The following MIPOL1 variants were observed in gnomAD, a reference collection of about 807,000 sequenced individuals.
MIPOL1 encodes the protein mirror-image polydactyly gene 1 protein.
MIPOL1 carries 57 observed loss-of-function variants against 60.9 expected under a neutral mutation model. The ratio of observed to expected loss-of-function variants is 0.94; its 90% CI spans 0.76 to 1.17. The LOEUF is 1.17. Among genes scored for constraint, MIPOL1 ranks in the 50% most tolerant of loss-of-function variants. The probability of loss-of-function intolerance (pLI) is 0.00; values close to 1 mark genes in which losing one functional copy is unlikely to be tolerated. For synonymous variants in MIPOL1, 179 were observed against 168.8 expected (o/e 1.06, Z -0.47); for missense variants, 551 against 511.6 (o/e 1.08, Z -0.74).
chr14:37,468,760 T>C (rs1052950031), intron 11 of MIPOL1, among the ~76,000 whole-genome samples: 1 of 152,094 alleles, frequency 6.6e-6, no homozygotes, highest in Non-Finnish European at 1.5e-5. Context: ...TGGGAGAACA[T>C]GAGGGGATGA....
intron 7 of MIPOL1, among the ~76,000 whole-genome samples, chr14:37,304,502 A>G (rs2086622539): frequency 6.6e-6 from 1 of 151,684 alleles, no homozygotes; most frequent in South Asian, 2.1e-4. Flanking sequence ...TTAACATGTT[A>G]AGTGTGGTGG....
At chr14:37,383,096 C>T (rs1453225262) in intron 10 of MIPOL1, among the ~76,000 whole-genome samples, 3 of 151,724 alleles carry the variant, frequency 2.0e-5, no homozygotes, top group East Asian at 1.9e-4. Context: ...AACTTTGAAT[C>T]GTGTACAACC....
chr14:37,325,279 T>C (rs1360120238), intron 9 of MIPOL1, among the ~76,000 whole-genome samples: 1 of 152,156 alleles, frequency 6.6e-6, no homozygotes, highest in African/African-American at 2.4e-5. Context: ...CCTCGTCTTT[T>C]TGATATGTTG....
At position 37,475,305 on chromosome 14, in the gene MIPOL1, T is replaced by C. The variant is rs1169874; in HGVS notation, c.1032-24603T>C. 6.9e-3 allele frequency among the ~76,000 whole-genome samples: 1,050 copies of C among 152,352 alleles called. 12 individuals are homozygous for C. The highest frequency in any genetic ancestry group is 0.024 in the African/African-American group (1,012 of 41,588). On this transcript the variant is annotated intron_variant, in intron 11 of 12. Coordinates refer to ENST00000684589, the MANE Select transcript of MIPOL1 (RefSeq NM_001388067.1). ...ATTGTTGATTTTAAAGAGTTCTTTGTGTATTTTGAATACCAGTCCTTTATT... is the reference window on the plus strand; with the variant it reads ...ATTGTTGATTTTAAAGAGTTCTTTGCGTATTTTGAATACCAGTCCTTTATT...
At chr14:37,343,142 A>T (rs921509628) in intron 9 of MIPOL1, among the ~76,000 whole-genome samples, 6 of 151,932 alleles carry the variant, frequency 3.9e-5, no homozygotes, top group Admixed American at 3.9e-4. Flanking sequence ...ATATACACAC[A>T]TACATATCAG....
At chr14:37,532,525 TATGAAA>T (rs1468706087) in intron 12 of MIPOL1, among the ~76,000 whole-genome samples, 1 of 152,174 alleles carries the variant, frequency 6.6e-6, no homozygotes, top group African/African-American at 2.4e-5. Context: ...GCAAGTGGCA[TATGAAA>T]ATCAGGAATC....
intron 11 of MIPOL1, among the ~76,000 whole-genome samples, chr14:37,453,644 C>CA (rs1318293211): frequency 1.3e-5 from 2 of 151,650 alleles, no homozygotes; most frequent in Admixed American, 6.6e-5. Context: ...TATAAGTGCC[C>CA]AAAAAAGGTA....
intron 11 of MIPOL1, among the ~76,000 whole-genome samples, chr14:37,470,718 G>C (rs972042893): frequency 2.1e-4 from 32 of 152,104 alleles, no homozygotes; most frequent in African/African-American, 7.2e-4. Flanking sequence ...AATCAGGAGA[G>C]AGTAGGTAGA....
intron 9 of MIPOL1, among the ~76,000 whole-genome samples, chr14:37,312,932 A>G (rs965550957): frequency 2.6e-5 from 4 of 152,196 alleles, no homozygotes; most frequent in African/African-American, 9.6e-5. Context: ...ATTATTCTAT[A>G]CAAACAAAAA....
intron 11 of MIPOL1, among the ~76,000 whole-genome samples, chr14:37,496,912 C>A (rs1306871090): frequency 6.6e-6 from 1 of 151,100 alleles, no homozygotes; most frequent in East Asian, 1.9e-4. Flanking sequence ...TACTACAAGG[C>A]TACAGTAACC....
intron 9 of MIPOL1, among the ~76,000 whole-genome samples, chr14:37,337,343 TA>T (rs2153459042): frequency 6.9e-4 from 20 of 29,048 alleles, no homozygotes; most frequent in African/African-American, 2.8e-3. Context: ...TATATATATA[TA>T]TATATATATA....
intron 6 of MIPOL1, chr14:37,276,693 A>G (rs2083687170): frequency 6.6e-6 from 1 of 151,244 alleles, no homozygotes; most frequent in South Asian, 2.1e-4. Context: ...TGTGTATATA[A>G]TGGGCATCAA....
chr14:37,507,089 A>T (rs1366819435), intron 12 of MIPOL1: 1 of 152,158 alleles, frequency 6.6e-6, no homozygotes, highest in East Asian at 1.9e-4. Flanking sequence ...GGCGATCATT[A>T]AAAAGTCAAT....
At chr14:37,259,210 A>G (rs1024248863) in intron 3 of MIPOL1, among the ~76,000 whole-genome samples, 4 of 152,128 alleles carry the variant, frequency 2.6e-5, no homozygotes, top group African/African-American at 9.7e-5. Flanking sequence ...AGCCTTTACC[A>G]TTCAATATGT....
intron 11 of MIPOL1, among the ~76,000 whole-genome samples, chr14:37,451,223 C>T (rs2094412390): frequency 6.6e-6 from 1 of 152,092 alleles, no homozygotes; most frequent in African/African-American, 2.4e-5. Context: ...CTTCCTTGTT[C>T]ACCTGTGTAT....
At chr14:37,375,185 C>T (rs1348158137) in intron 10 of MIPOL1, among the ~76,000 whole-genome samples, 1 of 151,672 alleles carries the variant, frequency 6.6e-6, no homozygotes, top group East Asian at 1.9e-4. Context: ...TGTCTGTCTA[C>T]CCTTTTTAAT....
rs149466826 is a variant in MIPOL1, at chr14:37,487,752, C to T, written c.1032-12156C>T. 3.1e-3 allele frequency among the ~76,000 whole-genome samples: 476 copies of T among 152,072 alleles called. 17 individuals carry two copies. In the East Asian group the frequency reaches 0.074, roughly 24 times the overall value. On this transcript the variant is annotated intron_variant, in intron 11 of 12. Coordinates refer to ENST00000684589, the MANE Select transcript of MIPOL1 (RefSeq NM_001388067.1). ...TTTTCTTCTTTATTAGTCTGGCTAG[C>T]GGTCTATTTTGTTCATCTTTTCAAA...
intron 10 of MIPOL1, among the ~76,000 whole-genome samples, chr14:37,382,297 C>T (rs2092946034): frequency 6.6e-6 from 1 of 151,988 alleles, no homozygotes; most frequent in Non-Finnish European, 1.5e-5. Context: ...GTTTGAAATA[C>T]TATGAAATTT....
chr14:37,518,429 G>A (rs1340981095), intron 12 of MIPOL1, among the ~76,000 whole-genome samples: 1 of 152,120 alleles, frequency 6.6e-6, no homozygotes, highest in Non-Finnish European at 1.5e-5. Context: ...CCGCCTCCCG[G>A]GTTCAAGTGA....
Sources: allele counts gnomAD v4.1 joint callset (sites outside exome capture counted in the v4.1 genomes callset), GRCh38; gene constraint gnomAD v4.1.1; transcripts MANE v1.5; gene names NCBI Gene and HGNC (gene_info 2026-07-23, HGNC 2026-07-21).